Variants in LPP observed in about 807,000 individuals in gnomAD.
LPP encodes lipoma-preferred partner.
LPP carries 38 observed loss-of-function variants against 60.4 expected under a neutral mutation model. That is an observed-to-expected ratio of 0.63 (90% confidence interval 0.49 to 0.83). The LOEUF (loss-of-function observed/expected upper bound fraction) is 0.83, where lower values mean the gene tolerates loss of function less well. LPP is among the 40% of genes least tolerant of loss of function. The pLI is 0.00. For synonymous variants in LPP, 328 were observed against 290.8 expected (o/e 1.13, Z -1.30); for missense variants, 902 against 783.6 (o/e 1.15, Z -1.80).
intron 7 of LPP, among the ~76,000 whole-genome samples, chr3:188,669,482 A>G (rs1856512592): frequency 6.6e-6 from 1 of 152,160 alleles, no homozygotes; most frequent in Admixed American, 6.5e-5. Context: ...AGGCTGAAGC[A>G]GGAGAATGGT....
At chr3:188,308,163 A>C (rs1230285901) in intron 2 of LPP, among the ~76,000 whole-genome samples, 1 of 152,114 alleles carries the variant, frequency 6.6e-6, no homozygotes, top group African/African-American at 2.4e-5. Context: ...AGGAAAGCCA[A>C]ATTGTTGGTC....
chr3:188,650,737 AAAG>A (rs1211056114), intron 7 of LPP, among the ~76,000 whole-genome samples: 3 of 152,216 alleles, frequency 2.0e-5, no homozygotes, highest in African/African-American at 7.2e-5. Flanking sequence ...TGGAAATAGA[AAAG>A]AAGGGACTTG....
At chr3:188,692,974 C>T (rs1402771408) in intron 7 of LPP, among the ~76,000 whole-genome samples, 1 of 152,144 alleles carries the variant, frequency 6.6e-6, no homozygotes, top group African/African-American at 2.4e-5. Flanking sequence ...AAGAATAAAG[C>T]CAGTTATAAC....
chr3:188,394,903 A>G (rs888682358), intron 3 of LPP, among the ~76,000 whole-genome samples: 2 of 152,208 alleles, frequency 1.3e-5, no homozygotes, highest in African/African-American at 2.4e-5. Flanking sequence ...AATGCTTCCA[A>G]TCGTTTTGCT....
chr3:188,251,273 C>T (rs868183912), intron 2 of LPP, among the ~76,000 whole-genome samples: 29 of 151,492 alleles, frequency 1.9e-4, no homozygotes, highest in African/African-American at 6.8e-4. Flanking sequence ...TGAGACATGT[C>T]CCCATCATCT....
At chr3:188,761,895 G>T (rs1278093535) in intron 9 of LPP, among the ~76,000 whole-genome samples, 2 of 152,096 alleles carry the variant, frequency 1.3e-5, no homozygotes, top group Non-Finnish European at 2.9e-5. Context: ...ATTCACAATG[G>T]CTTGGCACCA....
At chr3:188,198,369 C>T (rs1471772313) in intron 1 of LPP, among the ~76,000 whole-genome samples, 1 of 152,154 alleles carries the variant, frequency 6.6e-6, no homozygotes, top group Non-Finnish European at 1.5e-5. Flanking sequence ...TAACTACCTG[C>T]TGTGTATAAG....
intron 2 of LPP, among the ~76,000 whole-genome samples, chr3:188,317,884 T>C (rs866540012): frequency 6.6e-6 from 1 of 152,072 alleles, no homozygotes; most frequent in Non-Finnish European, 1.5e-5. Flanking sequence ...GGGAGAAGAA[T>C]AGGAGGCTAG....
At chr3:188,285,732 AC>A (rs1743693887) in intron 2 of LPP, among the ~76,000 whole-genome samples, 1 of 152,108 alleles carries the variant, frequency 6.6e-6, no homozygotes, top group African/African-American at 2.4e-5. Context: ...TGTGCAAAGC[AC>A]CAGCACCAAC....
intron 3 of LPP, among the ~76,000 whole-genome samples, chr3:188,378,429 A>T (rs1578456239): frequency 6.6e-6 from 1 of 151,938 alleles, no homozygotes; most frequent in Non-Finnish European, 1.5e-5. Flanking sequence ...CCCCTCCCCC[A>T]GCCTCACTGC....
chr3:188,290,101 T>C (rs1041812180), intron 2 of LPP, among the ~76,000 whole-genome samples: 2 of 151,910 alleles, frequency 1.3e-5, no homozygotes, highest in African/African-American at 2.4e-5. Context: ...GCCTCCCGAG[T>C]AGCTGGGACT....
chr3:188,257,701 T>C (rs951230999), intron 2 of LPP, among the ~76,000 whole-genome samples: 1 of 152,250 alleles, frequency 6.6e-6, no homozygotes, highest in Non-Finnish European at 1.5e-5. Flanking sequence ...ATCATAGTAG[T>C]ATTTACTGTT....
At chr3:188,682,414 G>A (rs749612615) in intron 7 of LPP, among the ~76,000 whole-genome samples, 5 of 152,200 alleles carry the variant, frequency 3.3e-5, no homozygotes, top group African/African-American at 7.2e-5. Flanking sequence ...CATCTACACC[G>A]TGCAGCTCTC....
chr3:188,751,004 A>G (rs1727896735), intron 8 of LPP, among the ~76,000 whole-genome samples: 1 of 152,210 alleles, frequency 6.6e-6, no homozygotes, highest in Non-Finnish European at 1.5e-5. Context: ...GAGAGTGATT[A>G]TAACCCTTGC....
At chr3:188,316,306 A>T (rs1755058448) in intron 2 of LPP, among the ~76,000 whole-genome samples, 1 of 152,114 alleles carries the variant, frequency 6.6e-6, no homozygotes, top group Admixed American at 6.5e-5. Flanking sequence ...CAAAAAAAAG[A>T]TTAGCCCAAT....
chr3:188,441,189 C>G (rs1244785660), intron 4 of LPP, among the ~76,000 whole-genome samples: 1 of 152,104 alleles, frequency 6.6e-6, no homozygotes, highest in Non-Finnish European at 1.5e-5. Context: ...ATGATGAGCT[C>G]CATTTTATAA....
intron 9 of LPP, among the ~76,000 whole-genome samples, chr3:188,806,602 C>T (rs905390184): frequency 6.6e-6 from 1 of 151,862 alleles, no homozygotes. Flanking sequence ...ACTTTTCCAT[C>T]TGCTATATTT....
Position 188,877,370 on chromosome 3 carries a change from A to C in LPP, c.*2891A>C, listed in dbSNP as rs1381494095. ...GTTTGTAAAAATATACTGATTTTGA[A>C]AAGTATCAGGAATATAAATATTTGG... On this transcript the variant is annotated 3_prime_UTR_variant, in exon 12 of 12. Coordinates refer to ENST00000617246, the MANE Select transcript of LPP (RefSeq NM_001375462.1). The C allele has an allele frequency of 5.5e-6, 1 of 182,168 alleles. No homozygotes were observed. Among genetic ancestry groups the C allele is most frequent in the African/African-American group, 2.4e-5 (1 of 42,508 alleles). The allele number at this position is 182,168 out of a possible 1,614,324, so 11.3% of individuals were successfully genotyped here. A position where few individuals can be genotyped will look rare whatever the true frequency, so the allele number is the denominator to read the frequency against.
chr3:188,195,296 A>G (rs1729229040), intron 1 of LPP, among the ~76,000 whole-genome samples: 1 of 152,140 alleles, frequency 6.6e-6, no homozygotes, highest in African/African-American at 2.4e-5. Flanking sequence ...GGCTGACGAA[A>G]TTTGTGATTT....
Sources: allele counts gnomAD v4.1 joint callset (sites outside exome capture counted in the v4.1 genomes callset), GRCh38; gene constraint gnomAD v4.1.1; transcripts MANE v1.5; gene names NCBI Gene and HGNC (gene_info 2026-07-23, HGNC 2026-07-21).